The following KCNQ1OT1 variants were observed in gnomAD, a reference collection of about 807,000 sequenced individuals.
KCNQ1OT1 encodes the protein KCNQ1 opposite strand/antisense transcript 1.
exon 1 of KCNQ1OT1, chr11:2,688,987 A>G (rs752221211): frequency 2.3e-5 from 9 of 398,628 alleles, no homozygotes; most frequent in Non-Finnish European, 4.0e-5. Context: ...TCTGGAGAGC[A>G]GGGGAGCCTG....
chr11:2,697,575 A>G, exon 1 of KCNQ1OT1: 1 of 398,604 alleles, frequency 2.5e-6, no homozygotes. Flanking sequence ...CCCCAAAATC[A>G]CACATAGGCG....
chr11:2,637,325 A>G (rs917922346), exon 1 of KCNQ1OT1: 3 of 152,224 alleles, frequency 2.0e-5, no homozygotes, highest in Non-Finnish European at 2.9e-5. Flanking sequence ...ATTTAGTGCT[A>G]TAAATTTCCC....
At chr11:2,696,769 C>T (rs956946882) in exon 1 of KCNQ1OT1, 7 of 398,524 alleles carry the variant, frequency 1.8e-5, no homozygotes, top group African/African-American at 8.2e-5. Flanking sequence ...TAAAAGTCGT[C>T]GTCTTTGTTA....
chr11:2,662,818 G>A lies in KCNQ1OT1; in HGVS notation n.37177C>T, dbSNP rs182677518. 2.7e-3 allele frequency: 1,090 copies of A among 398,848 alleles called. 2 individuals are homozygous for A. The highest frequency in any genetic ancestry group is 4.5e-3 in the South Asian group (35 of 7,862). The allele number at this position is 398,848 out of a possible 1,614,324, so 24.7% of individuals were successfully genotyped here. On this transcript the variant is annotated non_coding_transcript_exon_variant, in exon 1 of 1. Transcript: ENST00000597346. ...GTCAAGATCTGTGAGTGACACTCGC[G>A]GCCCTTCTGAGGGTCACTTGTGGAA...
In KCNQ1OT1 at chr11:2,626,338, A is replaced by C. The variant is rs1427145456; in HGVS notation, n.73657T>G. On this transcript the variant is annotated non_coding_transcript_exon_variant, in exon 1 of 1. Coordinates refer to ENST00000597346, the Ensembl canonical transcript of KCNQ1OT1. This position sits in a 1 kb window ranked among gnomAD's most constrained non-coding sequence, Gnocchi z 4.0. ...TGTATGGTATTAGGTAAGGGTCTCA[A>C]CTTCAGTTATCCTGGCACCATTTGT... The C allele has an allele frequency of 2.5e-6, 1 of 398,472 alleles. No individual in the cohort carries two copies. The highest frequency in any genetic ancestry group is 2.1e-5 in the African/African-American group (1 of 48,620). 24.7% of individuals were successfully genotyped at this position (398,472 alleles called of 1,614,324 possible).
chr11:2,648,074 G>A (rs572645973), exon 1 of KCNQ1OT1: 16 of 395,458 alleles, frequency 4.0e-5, no homozygotes, highest in African/African-American at 2.1e-4. Flanking sequence ...AAAAATTAGC[G>A]AGGTGTGGTG....
In KCNQ1OT1 at chr11:2,645,613, T is replaced by C; in HGVS notation, n.54382A>G. On this transcript the variant is annotated non_coding_transcript_exon_variant, in exon 1 of 1. Transcript: ENST00000597346. This position sits in a 1 kb window ranked among gnomAD's most constrained non-coding sequence, Gnocchi z 5.8. ...ATGCTTCGGCCCCAGGTGGTGACTATGGGCAGGGTCACCTTTCCTCATGGC... is the reference window on the plus strand; with the variant it reads ...ATGCTTCGGCCCCAGGTGGTGACTACGGGCAGGGTCACCTTTCCTCATGGC... The C allele has an allele frequency of 5.0e-6, 2 of 398,716 alleles. No homozygotes were observed. The highest frequency in any genetic ancestry group is 6.3e-4 in the Middle Eastern group (1 of 1,590). 24.7% of individuals were successfully genotyped at this position (398,716 alleles called of 1,614,324 possible). A position where few individuals can be genotyped will look rare whatever the true frequency, so the allele number is the denominator to read the frequency against.
In KCNQ1OT1 at chr11:2,664,360, C is replaced by T. The variant is rs1221105306; in HGVS notation, n.35635G>A. On this transcript the variant is annotated non_coding_transcript_exon_variant, in exon 1 of 1. Transcript: ENST00000597346. The surrounding 1 kb of genome is among the most constrained non-coding windows in gnomAD (Gnocchi z 5.1). Reference sequence around the variant, plus strand: ...CAGGGGAGCTGGGTTCCTGCATCCTCAGAAGTCAGGGTACGGTCCCTCCAG... The same window carrying T: ...CAGGGGAGCTGGGTTCCTGCATCCTTAGAAGTCAGGGTACGGTCCCTCCAG... The T allele has an allele frequency of 5.0e-6, 2 of 398,714 alleles. No individual in the cohort carries two copies. The highest frequency in any genetic ancestry group is 8.8e-6 in the Non-Finnish European group (2 of 226,214). The allele number at this position is 398,714 out of a possible 1,614,324, so 24.7% of individuals were successfully genotyped here.
chr11:2,666,204 G>C (rs1850063831), exon 1 of KCNQ1OT1: 1 of 398,472 alleles, frequency 2.5e-6, no homozygotes, highest in South Asian at 1.3e-4. Flanking sequence ...CCACTCTCCA[G>C]AGGGACACTC....
At chr11:2,619,712 A>C (rs1435801359) in exon 1 of KCNQ1OT1, 3 of 368,090 alleles carry the variant, frequency 8.2e-6, no homozygotes, top group South Asian at 1.4e-4. Context: ...CTTTAGCTGC[A>C]TTTTTTTTTT....
In KCNQ1OT1 at chr11:2,664,099, C is replaced by A; in HGVS notation, n.35896G>T. On this transcript the variant is annotated non_coding_transcript_exon_variant, in exon 1 of 1. Transcript: ENST00000597346. This position sits in a 1 kb window ranked among gnomAD's most constrained non-coding sequence, Gnocchi z 5.1. ...GCCCAGGCAGGTCAGAGACTCCAGTCATTACCCAACCAGGTCCCTGCCCTG... is the reference window on the plus strand; with the variant it reads ...GCCCAGGCAGGTCAGAGACTCCAGTAATTACCCAACCAGGTCCCTGCCCTG... The A allele has an allele frequency of 2.5e-6, 1 of 398,710 alleles. No homozygotes were observed. Among genetic ancestry groups the A allele is most frequent in the South Asian group, 1.3e-4 (1 of 7,818 alleles). 24.7% of individuals were successfully genotyped at this position (398,710 alleles called of 1,614,324 possible).
chr11:2,668,034 G>C lies in KCNQ1OT1; in HGVS notation n.31961C>G. The C allele has an allele frequency of 2.5e-6, 1 of 398,616 alleles. No individual in the cohort carries two copies. Among genetic ancestry groups the C allele is most frequent in the Non-Finnish European group, 4.4e-6 (1 of 226,070 alleles). The allele number at this position is 398,616 out of a possible 1,614,324, so 24.7% of individuals were successfully genotyped here. A position where few individuals can be genotyped will look rare whatever the true frequency, so the allele number is the denominator to read the frequency against. On this transcript the variant is annotated non_coding_transcript_exon_variant, in exon 1 of 1. Transcript: ENST00000597346. The surrounding 1 kb of genome is among the most constrained non-coding windows in gnomAD (Gnocchi z 4.3). Reference sequence around the variant, plus strand: ...GCCTAACTGCTAGCAGCAAGGACCAGCTTTGCCCACATTTGAACTTTATGC... The same window carrying C: ...GCCTAACTGCTAGCAGCAAGGACCACCTTTGCCCACATTTGAACTTTATGC...
chr11:2,673,446 G>C lies in KCNQ1OT1; in HGVS notation n.26549C>G, dbSNP rs1333675048. On this transcript the variant is annotated non_coding_transcript_exon_variant, in exon 1 of 1. Transcript: ENST00000597346. This position sits in a 1 kb window ranked among gnomAD's most constrained non-coding sequence, Gnocchi z 4.5. ...CCTGGAGGTTCCAACTTGGTGTTGG[G>C]CCTCCTTGAGCCGGAACACCTGAAA... 2.5e-6 allele frequency: 1 copy of C among 398,668 alleles called. No homozygotes were observed. Among genetic ancestry groups the C allele is most frequent in the East Asian group, 3.6e-5 (1 of 28,082 alleles). The allele number at this position is 398,668 out of a possible 1,614,324, so 24.7% of individuals were successfully genotyped here.
At chr11:2,630,952 C>G in exon 1 of KCNQ1OT1, 1 of 398,504 alleles carries the variant, frequency 2.5e-6, no homozygotes. Context: ...CCACTGATAG[C>G]CTTATGGAGG....
At chr11:2,699,291 C>T (rs1850731333) in exon 1 of KCNQ1OT1, 6 of 398,874 alleles carry the variant, frequency 1.5e-5, no homozygotes, top group Non-Finnish European at 2.2e-5. Flanking sequence ...ACTGCTGACG[C>T]CTGTGATCTG....
exon 1 of KCNQ1OT1, chr11:2,667,869 G>A: frequency 2.5e-6 from 1 of 398,654 alleles, no homozygotes; most frequent in Non-Finnish European, 4.4e-6. Context: ...ACACAGATTA[G>A]TACACAGGTC....
At chr11:2,681,648 C>T (rs2133881417) in exon 1 of KCNQ1OT1, 3 of 394,352 alleles carry the variant, frequency 7.6e-6, no homozygotes, top group Non-Finnish European at 1.3e-5. Context: ...ATCTCTCCCT[C>T]TCTCAGGAGA....
At position 2,664,270 on chromosome 11, in the gene KCNQ1OT1, G is replaced by T. The variant is rs1037793781; in HGVS notation, n.35725C>A. 5.0e-6 allele frequency: 2 copies of T among 398,970 alleles called. No homozygotes were observed. The highest frequency in any genetic ancestry group is 4.4e-5 in the Admixed American group (1 of 22,720). The allele number at this position is 398,970 out of a possible 1,614,324, so 24.7% of individuals were successfully genotyped here. A position where few individuals can be genotyped will look rare whatever the true frequency, so the allele number is the denominator to read the frequency against. ...GACTGGGAGAGGGAAAAACAAGGAG[G>T]TTGCTGCAAAGGGGCCACCTTGAGG... On this transcript the variant is annotated non_coding_transcript_exon_variant, in exon 1 of 1. Coordinates refer to ENST00000597346, the Ensembl canonical transcript of KCNQ1OT1. The surrounding 1 kb of genome is among the most constrained non-coding windows in gnomAD (Gnocchi z 5.1).
exon 1 of KCNQ1OT1, chr11:2,648,342 T>G (rs2133839083): frequency 2.5e-6 from 1 of 398,656 alleles, no homozygotes; most frequent in Admixed American, 4.4e-5. Flanking sequence ...CTTTTCTAGT[T>G]CCTTGAGATG....
Sources: gnomAD v4.1 joint callset for allele counts on GRCh38, gnomAD v4.1.1 for gene constraint, Gnocchi (gnomAD v3.1) non-coding constraint, MANE v1.5 for transcripts, NCBI Gene and HGNC (gene_info 2026-07-23, HGNC 2026-07-21) for gene names.